Variants in TOPAZ1 observed in about 807,000 individuals in gnomAD.
TOPAZ1 encodes the protein protein TOPAZ1.
Under a neutral mutation model 172.2 loss-of-function variants are expected in TOPAZ1, and 66 were observed. The ratio of observed to expected loss-of-function variants is 0.38; its 90% CI spans 0.31 to 0.47. TOPAZ1 has a LOEUF of 0.47. TOPAZ1 is among the 20% of genes least tolerant of loss of function. The pLI, the probability that TOPAZ1 is intolerant of heterozygous loss-of-function variation, is 0.99. For missense variants in TOPAZ1, 1,822 were observed against 1,972.4 expected (o/e 0.92, Z 1.44); for synonymous variants, 681 against 683.9 (o/e 1.00, Z 0.07).
At chr3:44,257,553 A>G (rs971109785) in intron 4 of TOPAZ1, among the ~76,000 whole-genome samples, 1 of 144,650 alleles carries the variant, frequency 6.9e-6, no homozygotes, top group African/African-American at 2.6e-5. Flanking sequence ...CCTGTGTATC[A>G]CTTGTCAATT....
At chr3:44,320,916 G>A (rs9857957) in intron 16 of TOPAZ1, 111 bp from the exon 17 acceptor site, 551,136 of 664,514 alleles carry the variant, frequency 0.83, 228,940 homozygotes, top group Middle Eastern at 0.91. Context: ...GAGTACATAT[G>A]TTTAAGTTTT....
At chr3:44,319,443 G>C (rs1046207746) in intron 16 of TOPAZ1, among the ~76,000 whole-genome samples, 8 of 151,936 alleles carry the variant, frequency 5.3e-5, no homozygotes, top group African/African-American at 1.9e-4. Context: ...TATGAGAAAA[G>C]GTTTATATAA....
chr3:44,266,356 T>C (rs1294902609), intron 5 of TOPAZ1, among the ~76,000 whole-genome samples: 1 of 152,226 alleles, frequency 6.6e-6, no homozygotes, highest in Non-Finnish European at 1.5e-5. Context: ...GAAGAACTTT[T>C]CCTTTGCATT....
chr3:44,255,584 G>A (rs969888118), intron 3 of TOPAZ1, among the ~76,000 whole-genome samples: 13 of 149,650 alleles, frequency 8.7e-5, no homozygotes, highest in Admixed American at 2.0e-4. Context: ...CCCGGGAGGC[G>A]GAGCTTGCAG....
intron 4 of TOPAZ1, among the ~76,000 whole-genome samples, chr3:44,257,532 T>G (rs1699729155): frequency 6.6e-6 from 1 of 150,734 alleles, no homozygotes; most frequent in South Asian, 2.1e-4. Flanking sequence ...TCCAGAGGCC[T>G]TTTCTTTTCT....
chr3:44,306,408 G>A lies in TOPAZ1; in HGVS notation c.4122G>A (p.Lys1374=), dbSNP rs1271055688. The A allele has an allele frequency of 6.5e-7, 1 of 1,541,434 alleles. No individual in the cohort carries two copies. Among genetic ancestry groups the A allele is most frequent in the East Asian group, 2.4e-5 (1 of 40,862 alleles). ...TCAGTGCTATGTACTTCTATCACAA[G>A]CTGTTGCAGTGGTCCAAGGTACTTC... is the stretch of plus-strand genomic sequence containing the variant. ...IGISAMYFYH[K]LLQWSKGRKV... is the part of the protein sequence containing the mutation. The change falls in exon 15 of 20, where the codon AAG becomes AAA. Residue 1374 remains lysine, a synonymous_variant. Transcript: ENST00000309765.
Position 44,267,063 on chromosome 3 carries a change from T to C in TOPAZ1, c.3087T>C (p.Pro1029=). ...ECQFAVPVPK[P]LCLLVPPLNL... is the part of the protein sequence containing the mutation. ...AATTTGCAGTACCAGTCCCGAAACC[T>C]CTGTGTTTATTAGTACCTCCTTTGA... Residue 1029 remains proline, a synonymous_variant, in exon 6 of 20, where the codon CCT becomes CCC. Coordinates refer to ENST00000309765, the MANE Select transcript of TOPAZ1 (RefSeq NM_001145030.2). 1 of 1,549,888 alleles carries C rather than the reference T, an allele frequency of 6.5e-7. No individual in the cohort carries two copies. Among genetic ancestry groups the C allele is most frequent in the Non-Finnish European group, 8.7e-7 (1 of 1,146,160 alleles).
chr3:44,248,258 A>T (rs1699589169), intron 2 of TOPAZ1, among the ~76,000 whole-genome samples: 1 of 152,104 alleles, frequency 6.6e-6, no homozygotes, highest in African/African-American at 2.4e-5. Context: ...GGGAATGGTA[A>T]TTATATATCA....
intron 9 of TOPAZ1, among the ~76,000 whole-genome samples, chr3:44,282,673 A>T (rs1700037108): frequency 6.6e-6 from 1 of 152,152 alleles, no homozygotes; most frequent in Non-Finnish European, 1.5e-5. Flanking sequence ...CACCATGCTT[A>T]ATTTATTTAT....
At chr3:44,276,658 A>G (rs1699963719) in intron 8 of TOPAZ1, among the ~76,000 whole-genome samples, 1 of 40,936 alleles carries the variant, frequency 2.4e-5, no homozygotes, top group Non-Finnish European at 4.7e-5. Context: ...TTTTTTCCAG[A>G]ATTGCTTGGC....
intron 19 of TOPAZ1, among the ~76,000 whole-genome samples, chr3:44,331,334 CTT>C (rs10711072): frequency 1.5e-4 from 23 of 150,806 alleles, no homozygotes; most frequent in African/African-American, 5.4e-4. Flanking sequence ...CATAATATGT[CTT>C]TTTTTTTTGG....
intron 16 of TOPAZ1, among the ~76,000 whole-genome samples, chr3:44,319,168 C>T (rs1253234647): frequency 2.6e-5 from 4 of 152,130 alleles, no homozygotes. Context: ...TGCCTGATCC[C>T]ATGCTGCCCC....
intron 11 of TOPAZ1, among the ~76,000 whole-genome samples, chr3:44,290,242 C>G (rs975575994): frequency 6.6e-6 from 1 of 152,188 alleles, no homozygotes; most frequent in Non-Finnish European, 1.5e-5. Flanking sequence ...TGTTGGTTCT[C>G]TTCATTAGCG....
At chr3:44,246,166 A>AT (rs980649152) in intron 2 of TOPAZ1, among the ~76,000 whole-genome samples, 20 of 152,286 alleles carry the variant, frequency 1.3e-4, no homozygotes, top group South Asian at 6.2e-4. Flanking sequence ...TTAAATGATG[A>AT]TTTTTTCCCT....
chr3:44,303,320 T>C (rs1229754967), intron 12 of TOPAZ1, among the ~76,000 whole-genome samples: 1 of 152,186 alleles, frequency 6.6e-6, no homozygotes, highest in Non-Finnish European at 1.5e-5. Context: ...TTATTCCAGC[T>C]GCCTTTTTTT....
chr3:44,251,385 T>C (rs768616730), intron 2 of TOPAZ1, among the ~76,000 whole-genome samples: 108 of 152,292 alleles, frequency 7.1e-4, no homozygotes, highest in Admixed American at 1.3e-3. Context: ...GCCTCCCAAA[T>C]TGTGGGGATT....
At chr3:44,270,658 A>G (rs1291161048) in intron 7 of TOPAZ1, 27 bp from the exon 8 acceptor site, 2 of 1,524,862 alleles carry the variant, frequency 1.3e-6, no homozygotes, top group Non-Finnish European at 1.8e-6. Flanking sequence ...CAGTTAATAC[A>G]GAAAGTGAAT....
chr3:44,268,832 AC>A (rs1304267510), intron 6 of TOPAZ1, among the ~76,000 whole-genome samples: 1 of 152,202 alleles, frequency 6.6e-6, no homozygotes, highest in Admixed American at 6.5e-5. Flanking sequence ...TTTTGGGGAC[AC>A]AGTTCAGTCC....
At chr3:44,319,991 GA>G (rs1700491682) in intron 16 of TOPAZ1, among the ~76,000 whole-genome samples, 1 of 152,174 alleles carries the variant, frequency 6.6e-6, no homozygotes. Context: ...TGTGTATAAT[GA>G]TTGAGTAAAT....
Sources: gnomAD v4.1 joint callset for allele counts (sites outside exome capture counted in the v4.1 genomes callset) on GRCh38, gnomAD v4.1.1 for gene constraint, MANE v1.5 for transcripts, NCBI Gene and HGNC (gene_info 2026-07-23, HGNC 2026-07-21) for gene names.